Variants in KCNQ3 observed in about 807,000 individuals in gnomAD.
KCNQ3 encodes potassium voltage-gated channel subfamily KQT member 3.
In KCNQ3, 30 loss-of-function variants were observed where a neutral mutation model predicts 92.5. That is an observed-to-expected ratio of 0.32 (90% CI 0.24 to 0.44). The LOEUF (loss-of-function observed/expected upper bound fraction) is 0.44. KCNQ3 is among the 20% of genes least tolerant of loss of function. The pLI, the probability that KCNQ3 is intolerant of heterozygous loss-of-function variation, is 1.00. For missense variants in KCNQ3, 913 were observed against 1,140.3 expected, an observed-to-expected ratio of 0.80 and a Z score of 2.87; for synonymous variants, 450 against 468.8, an observed-to-expected ratio of 0.96 and a Z score of 0.52.
At chr8:132,474,820 G>C (rs1037990090) in intron 1 of KCNQ3, among the ~76,000 whole-genome samples, 4 of 152,050 alleles carry the variant, frequency 2.6e-5, no homozygotes, top group Admixed American at 2.6e-4. Flanking sequence ...CTATGCCTGG[G>C]GAAGCTGGGC....
At chr8:132,131,612 A>C (rs1014374623) in intron 14 of KCNQ3, among the ~76,000 whole-genome samples, 9 of 152,234 alleles carry the variant, frequency 5.9e-5, no homozygotes, top group African/African-American at 2.2e-4. Flanking sequence ...GTATCAACTC[A>C]GTCCTCACAG....
chr8:132,189,277 C>T (rs1473194172), intron 1 of KCNQ3, among the ~76,000 whole-genome samples: 1 of 152,180 alleles, frequency 6.6e-6, no homozygotes, highest in African/African-American at 2.4e-5. Flanking sequence ...TCTGCAGGCT[C>T]CCTTGTGTGA....
At chr8:132,463,115 A>C (rs1295817502) in intron 1 of KCNQ3, among the ~76,000 whole-genome samples, 1 of 152,236 alleles carries the variant, frequency 6.6e-6, no homozygotes, top group African/African-American at 2.4e-5. Flanking sequence ...ACATGTTCAC[A>C]TCTATGAAAG....
At chr8:132,186,649 A>G in intron 1 of KCNQ3, 1 of 305,232 alleles carries the variant, frequency 3.3e-6, no homozygotes, top group South Asian at 3.0e-5. Context: ...AATTCAGCAA[A>G]GGCTTCTGTG....
chr8:132,279,419 C>A (rs1816443773), intron 1 of KCNQ3, among the ~76,000 whole-genome samples: 1 of 152,170 alleles, frequency 6.6e-6, no homozygotes, highest in Admixed American at 6.5e-5. Context: ...TCAGTGGACA[C>A]TACTGTGGTG....
At chr8:132,351,072 T>A (rs915477602) in intron 1 of KCNQ3, among the ~76,000 whole-genome samples, 1 of 152,060 alleles carries the variant, frequency 6.6e-6, no homozygotes, top group Non-Finnish European at 1.5e-5. Context: ...CTCTCACACA[T>A]TTCTGCTTCC....
chr8:132,211,060 A>G (rs1349994889), intron 1 of KCNQ3, among the ~76,000 whole-genome samples: 1 of 152,214 alleles, frequency 6.6e-6, no homozygotes, highest in East Asian at 1.9e-4. Flanking sequence ...CTTGTCTTCT[A>G]TCACAGTGTG....
At chr8:132,343,166 A>G (rs1484933127) in intron 1 of KCNQ3, among the ~76,000 whole-genome samples, 1 of 152,242 alleles carries the variant, frequency 6.6e-6, no homozygotes, top group Admixed American at 6.5e-5. Context: ...CTCGTGGTGA[A>G]TCACAGTGTT....
At chr8:132,221,279 T>C (rs569361246) in intron 1 of KCNQ3, among the ~76,000 whole-genome samples, 31 of 152,354 alleles carry the variant, frequency 2.0e-4, no homozygotes, top group African/African-American at 6.7e-4. Context: ...TAAACATACA[T>C]GTGCATGTGT....
chr8:132,402,419 A>C (rs1820362923), intron 1 of KCNQ3, among the ~76,000 whole-genome samples: 1 of 152,210 alleles, frequency 6.6e-6, no homozygotes, highest in African/African-American at 2.4e-5. Context: ...AGAAACCTTC[A>C]GCACATTTTA....
At chr8:132,143,880 C>T (rs1308382127) in intron 9 of KCNQ3, among the ~76,000 whole-genome samples, 3 of 152,236 alleles carry the variant, frequency 2.0e-5, no homozygotes, top group East Asian at 1.9e-4. Context: ...TATTATTTTA[C>T]AATACTTCTT....
chr8:132,262,230 G>A (rs1282620560), intron 1 of KCNQ3, among the ~76,000 whole-genome samples: 1 of 152,154 alleles, frequency 6.6e-6, no homozygotes, highest in African/African-American at 2.4e-5. Context: ...ACTAATTCAG[G>A]GGATGGAGGA....
At chr8:132,427,835 G>A (rs1279042217) in intron 1 of KCNQ3, among the ~76,000 whole-genome samples, 2 of 152,184 alleles carry the variant, frequency 1.3e-5, no homozygotes, top group African/African-American at 4.8e-5. Flanking sequence ...CCAGGTTGGT[G>A]TCTCTTCATA....
At chr8:132,223,557 G>A (rs1357316470) in intron 1 of KCNQ3, among the ~76,000 whole-genome samples, 1 of 152,168 alleles carries the variant, frequency 6.6e-6, no homozygotes, top group Non-Finnish European at 1.5e-5. Flanking sequence ...CTAAAATATG[G>A]CACTATTGGG....
At chr8:132,425,182 A>G (rs1397060820) in intron 1 of KCNQ3, among the ~76,000 whole-genome samples, 5 of 152,236 alleles carry the variant, frequency 3.3e-5, no homozygotes. Context: ...ACGCCAATAC[A>G]TATAGTCTCA....
At position 132,330,933 on chromosome 8, in the gene KCNQ3, TC is replaced by T. The variant is rs1818209748; in HGVS notation, c.387-144753del. The stretch of plus-strand genomic sequence containing the variant: ...CATAACTTTCCTGCCCTACATCTTC[TC>T]CATGATCAGCACATCATAGTGATAA... On this transcript the variant is annotated intron_variant, in intron 1 of 14. Coordinates refer to ENST00000388996, the MANE Select transcript of KCNQ3 (RefSeq NM_004519.4). Among the ~76,000 whole-genome samples the T allele has an allele frequency of 3.9e-5, 6 of 152,168 alleles. No individual in the cohort carries two copies. The South Asian group carries it at 1.2e-3, about 32-fold the overall frequency.
At chr8:132,231,048 A>T (rs943555452) in intron 1 of KCNQ3, among the ~76,000 whole-genome samples, 1 of 152,182 alleles carries the variant, frequency 6.6e-6, no homozygotes, top group Non-Finnish European at 1.5e-5. Context: ...CAGAGGGAAG[A>T]TTATATGAAG....
chr8:132,140,203 C>A (rs553836349), intron 10 of KCNQ3, 25 bp from the exon 11 acceptor site: 76 of 1,564,514 alleles, frequency 4.9e-5, no homozygotes, highest in Middle Eastern at 3.5e-4. Context: ...CACATATGAA[C>A]GGCAGGCCAC....
rs141341730 is a variant in KCNQ3 at position 132,409,996 on chromosome 8, G to C, written c.386+70151C>G. Among the ~76,000 whole-genome samples the C allele has an allele frequency of 4.8e-3, 729 of 152,262 alleles. 5 individuals are homozygous for C. The highest frequency in any genetic ancestry group is 0.016 in the African/African-American group (681 of 41,538). ...ATGATAGATTTAGTCTGGCATGGTG[G>C]TGTGCACCTGTAGTCCCAGCTACTC... On this transcript the variant is annotated intron_variant, in intron 1 of 14. Transcript: ENST00000388996.
Sources: allele counts gnomAD v4.1 joint callset (sites outside exome capture counted in the v4.1 genomes callset), GRCh38; gene constraint gnomAD v4.1.1; transcripts MANE v1.5; gene names NCBI Gene and HGNC (gene_info 2026-07-23, HGNC 2026-07-21).